The following AGAP1 variants were observed in gnomAD, a reference collection of about 807,000 sequenced individuals.
AGAP1 encodes the protein ArfGAP with GTPase domain, ankyrin repeat and PH domain 1.
Under a neutral mutation model 105.3 loss-of-function variants are expected in AGAP1, and 29 were observed. That is an observed-to-expected ratio of 0.28 (90% CI 0.21 to 0.38). The LOEUF is 0.38. Ranked by LOEUF, AGAP1 falls within the 10% of genes least tolerant of loss-of-function variation. The pLI is 1.00. For synonymous variants in AGAP1, 509 were observed against 485.9 expected (o/e 1.05, Z -0.63); for missense variants, 998 against 1,165.1 (o/e 0.86, Z 2.09).
Position 235,747,251 on chromosome 2 carries a change from T to A in AGAP1, c.538+2412T>A, listed in dbSNP as rs903103594. ...ACATCGAGCCTCCTGCCAGGGTGGCTGCTTAGATTCTCGAGAAACCCTGAT... is the reference window on the plus strand; with the variant it reads ...ACATCGAGCCTCCTGCCAGGGTGGCAGCTTAGATTCTCGAGAAACCCTGAT... On this transcript the variant is annotated intron_variant, in intron 5 of 17. Coordinates refer to ENST00000304032, the MANE Select transcript of AGAP1 (RefSeq NM_001037131.3). The surrounding 1 kb of genome is among the most constrained non-coding windows in gnomAD (Gnocchi z 5.0). 6.6e-6 allele frequency among the ~76,000 whole-genome samples: 1 copy of A among 152,110 alleles called. No individual in the cohort carries two copies. The highest frequency in any genetic ancestry group is 2.4e-5 in the African/African-American group (1 of 41,430).
At chr2:235,673,588 T>G (rs1948558683) in intron 1 of AGAP1, among the ~76,000 whole-genome samples, 1 of 152,212 alleles carries the variant, frequency 6.6e-6, no homozygotes, top group Non-Finnish European at 1.5e-5. Flanking sequence ...CTCGTGCCAG[T>G]TAGAGTCTGG....
intron 1 of AGAP1, among the ~76,000 whole-genome samples, chr2:235,530,870 T>A (rs1240960173): frequency 6.6e-6 from 1 of 152,176 alleles, no homozygotes; most frequent in Non-Finnish European, 1.5e-5. Flanking sequence ...CCCACCTCAG[T>A]GTCCTTCCTC....
Position 235,639,687 on chromosome 2 carries a change from C to G in AGAP1, c.164-69492C>G, listed in dbSNP as rs1347433911. Among the ~76,000 whole-genome samples the G allele has an allele frequency of 1.3e-5, 2 of 152,210 alleles. No homozygotes were observed. The highest frequency in any genetic ancestry group is 2.4e-5 in the African/African-American group (1 of 41,460). ...GAAGAATCGCAGGGACTCTCCTTCACTCTTAGATAGTGGCAGCGCTTGCCT... is the reference window on the plus strand; with the variant it reads ...GAAGAATCGCAGGGACTCTCCTTCAGTCTTAGATAGTGGCAGCGCTTGCCT... On this transcript the variant is annotated intron_variant, in intron 1 of 17. Coordinates refer to ENST00000304032, the MANE Select transcript of AGAP1 (RefSeq NM_001037131.3). This position sits in a 1 kb window ranked among gnomAD's most constrained non-coding sequence, Gnocchi z 5.3.
intron 1 of AGAP1, among the ~76,000 whole-genome samples, chr2:235,571,441 C>T (rs1316268191): frequency 6.6e-6 from 1 of 152,232 alleles, no homozygotes; most frequent in African/African-American, 2.4e-5. Context: ...CCACGTTTTC[C>T]AGGCCTGACA....
In AGAP1 at chr2:235,728,299, C is replaced by CTG. The variant is rs1369942234; in HGVS notation, c.310+10656_310+10657insGT. ...AGATCTGAAAAGGACTGGGCCCAGA[C>CTG]TCTGTGTGTGTGTGTGTGTGTGTGT... On this transcript the variant is annotated intron_variant, in intron 3 of 17. Transcript: ENST00000304032. This position sits in a 1 kb window ranked among gnomAD's most constrained non-coding sequence, Gnocchi z 4.3. Among the ~76,000 whole-genome samples the CTG allele has an allele frequency of 5.9e-5, 8 of 134,846 alleles. No individual in the cohort carries two copies. The highest frequency in any genetic ancestry group is 9.6e-5 in the Non-Finnish European group (6 of 62,780). 88.5% of individuals were successfully genotyped at this position (134,846 alleles called of 152,430 possible). A position where few individuals can be genotyped will look rare whatever the true frequency, so the allele number is the denominator to read the frequency against.
intron 1 of AGAP1, among the ~76,000 whole-genome samples, chr2:235,533,402 C>T (rs897716970): frequency 2.6e-5 from 4 of 152,028 alleles, no homozygotes; most frequent in African/African-American, 7.3e-5. Context: ...AAGTGGAGAA[C>T]GGTCTTAGGG....
intron 12 of AGAP1, among the ~76,000 whole-genome samples, chr2:235,946,284 C>CTTT (rs34759426): frequency 2.6e-5 from 3 of 114,058 alleles, no homozygotes; most frequent in African/African-American, 3.6e-5. Context: ...GCTTTTTTTC[C>CTTT]TTTTTTTTTT....
Position 236,036,451 on chromosome 2 carries a change from C to A in AGAP1, c.1646-110C>A. The A allele has an allele frequency of 8.5e-6, 12 of 1,413,032 alleles. No individual in the cohort carries two copies. Among genetic ancestry groups the A allele is most frequent in the Non-Finnish European group, 9.6e-6 (10 of 1,038,188 alleles). 87.5% of individuals were successfully genotyped at this position (1,413,032 alleles called of 1,614,324 possible). A position where few individuals can be genotyped will look rare whatever the true frequency, so the allele number is the denominator to read the frequency against. On this transcript the variant is annotated intron_variant, in intron 13 of 17. Transcript: ENST00000304032. This position sits in a 1 kb window ranked among gnomAD's most constrained non-coding sequence, Gnocchi z 5.7. The stretch of plus-strand genomic sequence containing the variant: ...GGTTGTCCAGTGCCGTGCGCCTCAC[C>A]GGTCCATGCAGGGGCAGCTGAACCC...
intron 9 of AGAP1, among the ~76,000 whole-genome samples, chr2:235,825,127 TAGA>T (rs989187107): frequency 6.6e-6 from 1 of 152,258 alleles, no homozygotes; most frequent in African/African-American, 2.4e-5. Flanking sequence ...TGAGTGTGGA[TAGA>T]AGGAGAGACA....
rs1472818849 is a variant in AGAP1, at chr2:235,799,806, TGTGTCACA to T, written c.957+288_957+295del. On this transcript the variant is annotated intron_variant, in intron 8 of 17. Coordinates refer to ENST00000304032, the MANE Select transcript of AGAP1 (RefSeq NM_001037131.3). The surrounding 1 kb of genome is among the most constrained non-coding windows in gnomAD (Gnocchi z 5.0). ...GTTATCCTGTGGCTCCAGCTAAAGA[TGTGTCACA>T]GTGGATACAAGGAGATGACAAAACT... 6.6e-6 allele frequency among the ~76,000 whole-genome samples: 1 copy of T among 152,142 alleles called. No homozygotes were observed. Among genetic ancestry groups the T allele is most frequent in the African/African-American group, 2.4e-5 (1 of 41,422 alleles).
In AGAP1 at chr2:235,754,579, A is replaced by G. The variant is rs1456967865; in HGVS notation, c.673+4091A>G. ...GTGTCTTGTAACAAAAGGACATTGTAAAAATGAATGGAGAAACCTTGCATT... is the reference window on the plus strand; with the variant it reads ...GTGTCTTGTAACAAAAGGACATTGTGAAAATGAATGGAGAAACCTTGCATT... On this transcript the variant is annotated intron_variant, in intron 6 of 17. Transcript: ENST00000304032. This position sits in a 1 kb window ranked among gnomAD's most constrained non-coding sequence, Gnocchi z 4.6. Among the ~76,000 whole-genome samples the G allele has an allele frequency of 6.6e-6, 1 of 152,214 alleles. No individual in the cohort carries two copies. The highest frequency in any genetic ancestry group is 1.5e-5 in the Non-Finnish European group (1 of 68,042).
chr2:235,935,266 G>A (rs912251200), intron 12 of AGAP1, among the ~76,000 whole-genome samples: 1 of 152,232 alleles, frequency 6.6e-6, no homozygotes, highest in Non-Finnish European at 1.5e-5. Flanking sequence ...GCCGTCTGCC[G>A]GCTTGCAAGC....
chr2:235,913,470 A>G (rs1462952616), intron 11 of AGAP1, among the ~76,000 whole-genome samples: 1 of 151,838 alleles, frequency 6.6e-6, no homozygotes, highest in Non-Finnish European at 1.5e-5. Context: ...TATTAATTCC[A>G]TATGTTGCCT....
In AGAP1 at chr2:235,841,379, C is replaced by T. The variant is rs564574365; in HGVS notation, c.1050+34048C>T. On this transcript the variant is annotated intron_variant, in intron 9 of 17. Transcript: ENST00000304032. ...GATGCGGTGGCTCACGACTAATCCC[C>T]GCACTGTAGGAGGCCAAGGCGAGTG... is the stretch of plus-strand genomic sequence containing the variant. Among the ~76,000 whole-genome samples, 13 of 152,208 alleles carry T rather than the reference C, an allele frequency of 8.5e-5. No individual in the cohort carries two copies. The East Asian group carries it at 1.7e-3, about 20-fold the overall frequency.
At chr2:235,868,564 G>T (rs940703562) in intron 9 of AGAP1, among the ~76,000 whole-genome samples, 1 of 152,178 alleles carries the variant, frequency 6.6e-6, no homozygotes, top group Non-Finnish European at 1.5e-5. Flanking sequence ...ATCCCTGTGC[G>T]AGCAGAGGCC....
chr2:235,634,025 G>A (rs567687883), intron 1 of AGAP1, among the ~76,000 whole-genome samples: 4 of 152,186 alleles, frequency 2.6e-5, no homozygotes, highest in African/African-American at 4.8e-5. Flanking sequence ...CAAGCCCCCC[G>A]CCGCAGAGTT....
At position 236,045,145 on chromosome 2, in the gene AGAP1, G is replaced by T. The variant is rs1208573402; in HGVS notation, c.1892-3914G>T. ...TGCCCAGGCTGGTCTTAAACTCCTGGCCTTCGGCGATCCTCCCCCATTGAC... is the reference window on the plus strand; with the variant it reads ...TGCCCAGGCTGGTCTTAAACTCCTGTCCTTCGGCGATCCTCCCCCATTGAC... On this transcript the variant is annotated intron_variant, in intron 15 of 17. Coordinates refer to ENST00000304032, the MANE Select transcript of AGAP1 (RefSeq NM_001037131.3). The surrounding 1 kb of genome is among the most constrained non-coding windows in gnomAD (Gnocchi z 6.9). Among the ~76,000 whole-genome samples, 5 of 152,124 alleles carry T rather than the reference G, an allele frequency of 3.3e-5. No individual in the cohort carries two copies. Among genetic ancestry groups the T allele is most frequent in the Admixed American group, 6.5e-5 (1 of 15,272 alleles).
In AGAP1 at chr2:236,027,963, T is replaced by C. The variant is rs996730923; in HGVS notation, c.1646-8598T>C. On this transcript the variant is annotated intron_variant, in intron 13 of 17. Transcript: ENST00000304032. The surrounding 1 kb of genome is among the most constrained non-coding windows in gnomAD (Gnocchi z 4.4). ...TGTTGGTCCCGGGGATTGCGATTCG[T>C]GTCTTTATTTCTTCATTATTTGTAT... Among the ~76,000 whole-genome samples, 4 of 152,138 alleles carry C rather than the reference T, an allele frequency of 2.6e-5. No individual in the cohort carries two copies. The highest frequency in any genetic ancestry group is 5.9e-5 in the Non-Finnish European group (4 of 68,026).
rs530716773 is a variant in AGAP1, at chr2:235,968,386, T to C, written c.1484-76T>C. The C allele has an allele frequency of 3.2e-4, 491 of 1,518,330 alleles. 7 individuals are homozygous for C. In the South Asian group the frequency reaches 5.3e-3, roughly 16 times the overall value. 94.1% of individuals were successfully genotyped at this position (1,518,330 alleles called of 1,614,324 possible). On this transcript the variant is annotated intron_variant, in intron 12 of 17. Coordinates refer to ENST00000304032, the MANE Select transcript of AGAP1 (RefSeq NM_001037131.3). ...GTATGAGAGGAGCGTGGCTGTGCTG[T>C]TTCTGCGCATTCTGCTTTGTAAGTG...
Sources: gnomAD v4.1 joint callset for allele counts (sites outside exome capture counted in the v4.1 genomes callset) on GRCh38, gnomAD v4.1.1 for gene constraint, Gnocchi (gnomAD v3.1) non-coding constraint, MANE v1.5 for transcripts, NCBI Gene and HGNC (gene_info 2026-07-23, HGNC 2026-07-21) for gene names.